PALLD: variants seen among roughly 807,000 people sequenced by gnomAD.
PALLD encodes palladin, cytoskeletal associated protein.
In PALLD, 61 loss-of-function variants were observed where a neutral mutation model predicts 123.5. That is an observed-to-expected ratio of 0.49 (90% CI 0.40 to 0.61). The LOEUF is 0.61. Ranked by LOEUF, PALLD falls within the 20% of genes least tolerant of loss-of-function variation. The pLI is 0.00. For missense variants in PALLD, 1,273 were observed against 1,377.0 expected (o/e 0.92, Z 1.20); for synonymous variants, 465 against 496.4 (o/e 0.94, Z 0.84).
intron 10 of PALLD, among the ~76,000 whole-genome samples, chr4:168,757,712 T>A (rs1430934616): frequency 2.0e-5 from 3 of 152,186 alleles, no homozygotes; most frequent in Admixed American, 6.5e-5. Context: ...TAAGTGAAAA[T>A]GACAACGGCA....
intron 10 of PALLD, among the ~76,000 whole-genome samples, chr4:168,734,661 A>G (rs1187035054): frequency 1.3e-5 from 2 of 152,162 alleles, no homozygotes; most frequent in African/African-American, 4.8e-5. Flanking sequence ...AATCACCCTC[A>G]AGGAGTACAA....
intron 10 of PALLD, among the ~76,000 whole-genome samples, chr4:168,776,510 T>C (rs755333168): frequency 1.5e-4 from 23 of 152,340 alleles, no homozygotes; most frequent in Non-Finnish European, 2.6e-4. Context: ...TCTTGCCATA[T>C]TGCAATGGCC....
chr4:168,860,613 A>G (rs1363349357), intron 10 of PALLD, among the ~76,000 whole-genome samples: 1 of 152,182 alleles, frequency 6.6e-6, no homozygotes, highest in African/African-American at 2.4e-5. Flanking sequence ...ACTTGAAGTC[A>G]GGAGTTTGAG....
intron 10 of PALLD, among the ~76,000 whole-genome samples, chr4:168,721,131 C>A (rs1320553810): frequency 6.6e-6 from 1 of 152,152 alleles, no homozygotes; most frequent in Non-Finnish European, 1.5e-5. Flanking sequence ...ATAAGAAATA[C>A]CATATGTCCA....
intron 2 of PALLD, among the ~76,000 whole-genome samples, chr4:168,516,214 A>G (rs1288498202): frequency 2.0e-5 from 3 of 152,216 alleles, no homozygotes; most frequent in East Asian, 3.8e-4. Flanking sequence ...TATGCAAATT[A>G]TATTAACAAT....
rs75548352 is a variant in PALLD at position 168,683,030 on chromosome 4, C to T, written c.1187C>T (p.Thr396Ile). The T allele has an allele frequency of 1.2e-6, 2 of 1,611,672 alleles. No homozygotes were observed. The highest frequency in any genetic ancestry group is 1.7e-5 in the Admixed American group (1 of 59,990). Reference protein sequence around the residue: ...AQKKTTSVSLTIGSSSPKTGV... With the variant: ...AQKKTTSVSLIIGSSSPKTGV... ...AAGAAAACAACTTCTGTTTCCTTGA[C>T]AATAGGATCATCATCTCCAAAGACA... is the stretch of plus-strand genomic sequence containing the variant. The change falls in exon 5 of 22, where the codon ACA becomes ATA. Residue 396 changes from threonine (T) to isoleucine (I), a missense_variant. Physicochemically the swap from Thr to Ile is moderately conservative, Grantham distance 89 (BLOSUM62 -1). Transcript: ENST00000505667.
At chr4:168,793,955 A>G (rs1210753454) in intron 10 of PALLD, among the ~76,000 whole-genome samples, 1 of 152,174 alleles carries the variant, frequency 6.6e-6, no homozygotes, top group Non-Finnish European at 1.5e-5. Context: ...CTATTCCAGG[A>G]AGGCCACGTT....
At chr4:168,576,524 A>T (rs866250255) in intron 2 of PALLD, among the ~76,000 whole-genome samples, 16 of 152,146 alleles carry the variant, frequency 1.1e-4, no homozygotes, top group Middle Eastern at 3.4e-3. Flanking sequence ...GCTGAGAATG[A>T]TGGTTTCCAG....
intron 10 of PALLD, among the ~76,000 whole-genome samples, chr4:168,769,146 T>C (rs1734075106): frequency 6.6e-6 from 1 of 152,188 alleles, no homozygotes; most frequent in Non-Finnish European, 1.5e-5. Flanking sequence ...TGAGTGTGTA[T>C]AGATGACTTT....
chr4:168,748,396 G>T (rs1286546848), intron 10 of PALLD, among the ~76,000 whole-genome samples: 1 of 152,220 alleles, frequency 6.6e-6, no homozygotes, highest in African/African-American at 2.4e-5. Context: ...AGCATAACCA[G>T]ATTATTGGAT....
intron 10 of PALLD, among the ~76,000 whole-genome samples, chr4:168,884,933 C>G (rs1295879562): frequency 1.3e-5 from 2 of 152,216 alleles, no homozygotes; most frequent in Non-Finnish European, 2.9e-5. Context: ...GTGATCGCAT[C>G]AGATACGAGC....
intron 20 of PALLD, 46 bp from the exon 21 acceptor site, chr4:168,925,187 T>C (rs1161436515): frequency 1.9e-6 from 3 of 1,581,520 alleles, no homozygotes; most frequent in Non-Finnish European, 2.6e-6. Context: ...TTGTGTTTTA[T>C]TTGTCAAAAA....
chr4:168,793,222 T>C (rs1351507271), intron 10 of PALLD, among the ~76,000 whole-genome samples: 15 of 40,274 alleles, frequency 3.7e-4, no homozygotes, highest in African/African-American at 1.3e-3. Context: ...TATATATGTG[T>C]GCATATATAT....
At chr4:168,793,069 C>A (rs1023820091) in intron 10 of PALLD, among the ~76,000 whole-genome samples, 5 of 149,934 alleles carry the variant, frequency 3.3e-5, no homozygotes, top group African/African-American at 1.2e-4. Flanking sequence ...TTTAAATGTG[C>A]GTAATACATG....
intron 2 of PALLD, among the ~76,000 whole-genome samples, chr4:168,594,673 T>C (rs750086042): frequency 2.6e-5 from 4 of 152,114 alleles, no homozygotes; most frequent in Non-Finnish European, 4.4e-5. Context: ...CAGTAAGTCA[T>C]CTCAAAGATA....
chr4:168,726,807 C>T (rs62333917), intron 10 of PALLD, among the ~76,000 whole-genome samples: 9,091 of 151,934 alleles, frequency 0.06, 347 homozygotes, highest in South Asian at 0.091. Context: ...TGCAGGTTTG[C>T]TACATGGGTA....
chr4:168,831,590 A>ACAGCCCCAGTCC (rs1269854947), intron 10 of PALLD, among the ~76,000 whole-genome samples: 1 of 152,002 alleles, frequency 6.6e-6, no homozygotes, highest in Non-Finnish European at 1.5e-5. Context: ...TTCCCTCCCC[A>ACAGCCCCAGTCC]CAGCCCCAGT....
chr4:168,760,635 G>A (rs926513308), intron 10 of PALLD, among the ~76,000 whole-genome samples: 7 of 152,070 alleles, frequency 4.6e-5, no homozygotes, highest in Non-Finnish European at 1.0e-4. Flanking sequence ...ACTTCCCTCT[G>A]TGGAGAGAAA....
chr4:168,678,681 G>A (rs1781117246), intron 3 of PALLD, among the ~76,000 whole-genome samples: 2 of 152,060 alleles, frequency 1.3e-5, no homozygotes, highest in East Asian at 1.9e-4. Context: ...ATCACAGCCC[G>A]TGCCCCTCCC....
Sources: allele counts gnomAD v4.1 joint callset (sites outside exome capture counted in the v4.1 genomes callset), GRCh38; gene constraint gnomAD v4.1.1; transcripts MANE v1.5; gene names NCBI Gene and HGNC (gene_info 2026-07-23, HGNC 2026-07-21).